The following PGCKA1 variants were observed in gnomAD, a reference collection of about 807,000 sequenced individuals.
The protein encoded by PGCKA1 is PDCD10 and GCKIII kinases-associated protein 1.
the PGCKA1 span, among the ~76,000 whole-genome samples, chr4:37,483,029 A>T: frequency 6.6e-6 from 1 of 152,156 alleles, no homozygotes; most frequent in Admixed American, 6.5e-5. Flanking sequence ...TGTAGTTCCC[A>T]TAATCCCCAT....
At chr4:37,573,899 C>T in the PGCKA1 span, among the ~76,000 whole-genome samples, 1 of 152,160 alleles carries the variant, frequency 6.6e-6, no homozygotes, top group Admixed American at 6.5e-5. Context: ...ATTTTAACAA[C>T]TCATTTTTAT....
chr4:37,472,455 G>A, the PGCKA1 span, among the ~76,000 whole-genome samples: 1 of 152,102 alleles, frequency 6.6e-6, no homozygotes, highest in African/African-American at 2.4e-5. Flanking sequence ...CTTCCTTTGA[G>A]CCTGTTGGCT....
the PGCKA1 span, among the ~76,000 whole-genome samples, chr4:37,506,849 G>A: frequency 6.6e-6 from 1 of 152,074 alleles, no homozygotes; most frequent in Non-Finnish European, 1.5e-5. Context: ...TTTCTATGTG[G>A]AAGATCTGTC....
chr4:37,574,187 CAA>C, the PGCKA1 span, among the ~76,000 whole-genome samples: 36,518 of 136,206 alleles, frequency 0.27, 4,462 homozygotes, highest in South Asian at 0.37. Flanking sequence ...GACTCCATCT[CAA>C]AAAAAAAAAA....
the PGCKA1 span, among the ~76,000 whole-genome samples, chr4:37,473,082 C>T: frequency 3.3e-5 from 5 of 152,094 alleles, no homozygotes; most frequent in Admixed American, 2.0e-4. Context: ...ATAGAGTGTC[C>T]GTTCAAGTAT....
chr4:37,509,089 A>C, the PGCKA1 span, among the ~76,000 whole-genome samples: 1 of 148,970 alleles, frequency 6.7e-6, no homozygotes, highest in African/African-American at 2.5e-5. Flanking sequence ...TTCTACACAG[A>C]CACAGCAACA....
At chr4:37,462,152 T>TG in the PGCKA1 span, among the ~76,000 whole-genome samples, 3 of 150,778 alleles carry the variant, frequency 2.0e-5, no homozygotes, top group Admixed American at 1.3e-4. Context: ...CAAATCTGTA[T>TG]GTCCATGTAA....
At chr4:37,561,750 T>C in the PGCKA1 span, among the ~76,000 whole-genome samples, 1 of 152,186 alleles carries the variant, frequency 6.6e-6, no homozygotes, top group Non-Finnish European at 1.5e-5. Flanking sequence ...AGGGGAAATA[T>C]GGGGTTAGGT....
the PGCKA1 span, among the ~76,000 whole-genome samples, chr4:37,516,070 C>T: frequency 0.063 from 9,613 of 152,248 alleles, 1,041 homozygotes; most frequent in African/African-American, 0.22. Flanking sequence ...TAACTTGATT[C>T]ATTCTTTACT....
chr4:37,518,589 C>T, the PGCKA1 span, among the ~76,000 whole-genome samples: 1 of 152,202 alleles, frequency 6.6e-6, no homozygotes, highest in Non-Finnish European at 1.5e-5. Context: ...AATGTCTATT[C>T]AAATCTTTTG....
chr4:37,533,034 T>C, the PGCKA1 span, among the ~76,000 whole-genome samples: 1 of 152,218 alleles, frequency 6.6e-6, no homozygotes, highest in Admixed American at 6.5e-5. Context: ...TGATGATGGG[T>C]GCACCAAAAA....
the PGCKA1 span, among the ~76,000 whole-genome samples, chr4:37,464,899 A>C: frequency 6.6e-6 from 1 of 152,332 alleles, no homozygotes; most frequent in African/African-American, 2.4e-5. Context: ...AATTTGAGGA[A>C]AGGAAGCAAC....
the PGCKA1 span, among the ~76,000 whole-genome samples, chr4:37,457,131 C>G: frequency 6.6e-6 from 1 of 152,180 alleles, no homozygotes; most frequent in Non-Finnish European, 1.5e-5. Context: ...TTTCAACAAC[C>G]TAGTGCTTCT....
chr4:37,492,902 G>A, the PGCKA1 span, among the ~76,000 whole-genome samples: 36 of 152,074 alleles, frequency 2.4e-4, no homozygotes, highest in Admixed American at 2.6e-4. This position sits in a 1 kb window ranked among gnomAD's most constrained non-coding sequence, Gnocchi z 4.7. Flanking sequence ...CTGTAAATTG[G>A]TGCCACTGCC....
chr4:37,518,739 G>A, the PGCKA1 span, among the ~76,000 whole-genome samples: 19 of 152,020 alleles, frequency 1.2e-4, no homozygotes, highest in Non-Finnish European at 2.4e-4. Context: ...CACTTTGTTC[G>A]TTGTTTCCTT....
chr4:37,515,104 G>C, the PGCKA1 span, among the ~76,000 whole-genome samples: 11 of 152,284 alleles, frequency 7.2e-5, no homozygotes, highest in Admixed American at 3.3e-4. Context: ...CCTTAGGGAG[G>C]TGATTAGGTC....
the PGCKA1 span, among the ~76,000 whole-genome samples, chr4:37,535,987 T>C: frequency 1.3e-5 from 2 of 152,240 alleles, no homozygotes; most frequent in African/African-American, 4.8e-5. Context: ...GTTGTGAGGA[T>C]TAAATGAGAT....
chr4:37,539,387 T>C, the PGCKA1 span, among the ~76,000 whole-genome samples: 1 of 152,190 alleles, frequency 6.6e-6, no homozygotes, highest in Non-Finnish European at 1.5e-5. Flanking sequence ...CCGGGCGCGG[T>C]GGCTCACACC....
the PGCKA1 span, among the ~76,000 whole-genome samples, chr4:37,581,718 G>T: frequency 6.6e-6 from 1 of 152,122 alleles, no homozygotes; most frequent in African/African-American, 2.4e-5. This position sits in a 1 kb window ranked among gnomAD's most constrained non-coding sequence, Gnocchi z 4.4. Flanking sequence ...TTTGGGACAC[G>T]TGACACAGGT....
Sources: gnomAD v4.1 joint callset for allele counts (sites outside exome capture counted in the v4.1 genomes callset) on GRCh38, gnomAD v4.1.1 for gene constraint, Gnocchi (gnomAD v3.1) non-coding constraint, MANE v1.5 for transcripts, NCBI Gene and HGNC (gene_info 2026-07-23, HGNC 2026-07-21) for gene names.